The following SLC9A1 variants were observed in gnomAD, a reference collection of about 807,000 sequenced individuals.
The protein encoded by SLC9A1 is solute carrier family 9 member A1, also known as sodium/hydrogen exchanger 1.
SLC9A1 carries 22 observed loss-of-function variants against 67.9 expected under a neutral mutation model. The observed-to-expected ratio is 0.32, with a 90% CI of 0.23 to 0.46. SLC9A1 has a LOEUF of 0.46. Ranked by LOEUF, SLC9A1 falls within the 20% of genes least tolerant of loss-of-function variation. SLC9A1 has a pLI of 1.00. For synonymous variants in SLC9A1, 421 were observed against 471.8 expected (o/e 0.89, Z 1.40); for missense variants, 686 against 1,094.8 (o/e 0.63, Z 5.27).
At position 27,109,913 on chromosome 1, in the gene SLC9A1, C is replaced by T; in HGVS notation, c.814-136G>A. The T allele has an allele frequency of 9.6e-7, 1 of 1,038,374 alleles. No individual in the cohort carries two copies. The highest frequency in any genetic ancestry group is 1.4e-6 in the Non-Finnish European group (1 of 712,334). 64.3% of individuals were successfully genotyped at this position (1,038,374 alleles called of 1,614,324 possible). Reference sequence around the variant, plus strand: ...GAGGCCACACGGTAGCAGAGAAACCCTAGTGCCAAGCAGGTGCTCAAAACC... The same window carrying T: ...GAGGCCACACGGTAGCAGAGAAACCTTAGTGCCAAGCAGGTGCTCAAAACC... On this transcript the variant is annotated intron_variant, in intron 2 of 11. Coordinates refer to ENST00000263980, the MANE Select transcript of SLC9A1 (RefSeq NM_003047.5). The surrounding 1 kb of genome is among the most constrained non-coding windows in gnomAD (Gnocchi z 5.5).
intron 1 of SLC9A1, among the ~76,000 whole-genome samples, chr1:27,147,733 C>G (rs1033173414): frequency 1.3e-5 from 2 of 152,164 alleles, no homozygotes; most frequent in Non-Finnish European, 2.9e-5. Flanking sequence ...CAGTGGCTTA[C>G]GCCTGTAATC....
rs1216699778 is a variant in SLC9A1 at position 27,103,385 on chromosome 1, C to A, written c.1486-73G>T. ...GGGAGGCCACAGAGCCTCCCTCCCT[C>A]ACCCCAGGCCCCCAAGGCTAGGATG... On this transcript the variant is annotated intron_variant, in intron 5 of 11. Coordinates refer to ENST00000263980, the MANE Select transcript of SLC9A1 (RefSeq NM_003047.5). 4 of 1,042,160 alleles carry A rather than the reference C, an allele frequency of 3.8e-6. 1 individual carries two copies. The highest frequency in any genetic ancestry group is 2.5e-5 in the South Asian group (2 of 79,548). The allele number at this position is 1,042,160 out of a possible 1,614,324, so 64.6% of individuals were successfully genotyped here.
chr1:27,112,595 T>C (rs1197467663), intron 2 of SLC9A1, among the ~76,000 whole-genome samples: 4 of 152,114 alleles, frequency 2.6e-5, no homozygotes, highest in Non-Finnish European at 5.9e-5. Flanking sequence ...CTATCAAAGG[T>C]GAGGCTGGCT....
In SLC9A1 at chr1:27,101,377, G is replaced by A; in HGVS notation, c.2038-102C>T. The A allele has an allele frequency of 3.4e-6, 3 of 888,480 alleles. No individual in the cohort carries two copies. Among genetic ancestry groups the A allele is most frequent in the Non-Finnish European group, 3.6e-6 (2 of 557,572 alleles). The allele number at this position is 888,480 out of a possible 1,614,324, so 55.0% of individuals were successfully genotyped here. A position where few individuals can be genotyped will look rare whatever the true frequency, so the allele number is the denominator to read the frequency against. On this transcript the variant is annotated intron_variant, in intron 10 of 11. Transcript: ENST00000263980. This position sits in a 1 kb window ranked among gnomAD's most constrained non-coding sequence, Gnocchi z 4.9. ...ACACCCCACCTTTCGTATATGCAGG[G>A]CGCTTGCTCCCCCTCCCTTGTGCCT...
At position 27,154,241 on chromosome 1, in the gene SLC9A1, G is replaced by C. The variant is rs1410572877; in HGVS notation, c.94C>G (p.Leu32Val). The C allele has an allele frequency of 6.2e-7, 1 of 1,613,902 alleles. No individual in the cohort carries two copies. Among genetic ancestry groups the C allele is most frequent in the African/African-American group, 1.3e-5 (1 of 74,896 alleles). Residue 32 changes from leucine (L) to valine (V), a missense_variant, in exon 1 of 12, where the codon CTC (leucine) becomes GTC (valine). By Grantham distance (32) the Leu-to-Val change is conservative. Around this residue, in one of 7 missense-constraint regions of SLC9A1, gnomAD observed 143 missense variants for 166.7 expected, o/e 0.86. Transcript: ENST00000263980. Reference protein sequence around the residue: ...VVALVGLLPVLRSHGLQLSPT... With the variant: ...VVALVGLLPVVRSHGLQLSPT... ...CTGAGCTGGAGGCCATGGCTCCTGA[G>C]AACAGGCAGCAGCCCCACCAAAGCA...
In SLC9A1 at chr1:27,100,164, G is replaced by A. The variant is rs2083129995; in HGVS notation, c.*143C>T. The A allele has an allele frequency of 3.4e-6, 2 of 586,016 alleles. No individual in the cohort carries two copies. The highest frequency in any genetic ancestry group is 5.8e-6 in the Non-Finnish European group (2 of 346,060). The allele number at this position is 586,016 out of a possible 1,614,324, so 36.3% of individuals were successfully genotyped here. A position where few individuals can be genotyped will look rare whatever the true frequency, so the allele number is the denominator to read the frequency against. On this transcript the variant is annotated 3_prime_UTR_variant, in exon 12 of 12. Coordinates refer to ENST00000263980, the MANE Select transcript of SLC9A1 (RefSeq NM_003047.5). This position sits in a 1 kb window ranked among gnomAD's most constrained non-coding sequence, Gnocchi z 5.6. ...GCGGCAGGGGAGGAGCTGTGCTGGG[G>A]TGGGGGCTGTGGGCCCAGCTGCCAT...
At chr1:27,140,141 C>A (rs565249852) in intron 1 of SLC9A1, among the ~76,000 whole-genome samples, 1 of 151,950 alleles carries the variant, frequency 6.6e-6, no homozygotes, top group Admixed American at 6.6e-5. Flanking sequence ...CTCTGGGAAG[C>A]CTTTCCTGAC....
intron 5 of SLC9A1, chr1:27,105,459 C>A: frequency 2.1e-6 from 1 of 473,690 alleles, no homozygotes. Flanking sequence ...ATCACCATGC[C>A]CACTAATTTT....
At chr1:27,149,412 T>A (rs1041480090) in intron 1 of SLC9A1, among the ~76,000 whole-genome samples, 2 of 152,260 alleles carry the variant, frequency 1.3e-5, no homozygotes, top group Non-Finnish European at 2.9e-5. Context: ...TAAATAAGAT[T>A]GCTTTTATAA....
intron 1 of SLC9A1, among the ~76,000 whole-genome samples, chr1:27,145,066 G>T: frequency 8.1e-6 from 1 of 123,592 alleles, no homozygotes; most frequent in African/African-American, 3.0e-5. Context: ...AAAAAAAAAG[G>T]AAAAAGGAAA....
chr1:27,103,655 GA>G, intron 5 of SLC9A1: 1 of 329,094 alleles, frequency 3.0e-6, no homozygotes, highest in African/African-American at 2.1e-5. Context: ...CACACACAGG[GA>G]AAACTACCTC....
intron 1 of SLC9A1, among the ~76,000 whole-genome samples, chr1:27,122,641 C>A (rs1238382385): frequency 6.6e-6 from 1 of 152,248 alleles, no homozygotes; most frequent in Non-Finnish European, 1.5e-5. Flanking sequence ...CACCACCAGC[C>A]TTCTCCCTGG....
At position 27,154,272 on chromosome 1, in the gene SLC9A1, C is replaced by CACG; in HGVS notation, c.60_62dup (p.Val23dup). The CACG allele has an allele frequency of 6.2e-7, 1 of 1,612,950 alleles. No individual in the cohort carries two copies. The highest frequency in any genetic ancestry group is 8.5e-7 in the Non-Finnish European group (1 of 1,179,450). On this transcript the variant is annotated inframe_insertion, in exon 1 of 12. Coordinates refer to ENST00000263980, the MANE Select transcript of SLC9A1 (RefSeq NM_003047.5). ...GCAGCAGCCCCACCAAAGCAACCAC[C>CACG]ACGAGTAAGGAAGGGAAGATCCGAT... is the stretch of plus-strand genomic sequence containing the variant.
intron 1 of SLC9A1, among the ~76,000 whole-genome samples, chr1:27,147,739 T>C (rs149991632): frequency 1.3e-5 from 2 of 152,288 alleles, no homozygotes; most frequent in Admixed American, 1.3e-4. Context: ...CTTACGCCTG[T>C]AATCCAGCAC....
Position 27,154,370 on chromosome 1 carries a change from A to T in SLC9A1, c.-36T>A. On this transcript the variant is annotated 5_prime_UTR_variant, in exon 1 of 12. It adds an upstream start codon to the 5' untranslated region. Coordinates refer to ENST00000263980, the MANE Select transcript of SLC9A1 (RefSeq NM_003047.5). The stretch of plus-strand genomic sequence containing the variant: ...CCAGAGCCAGCCTCGACCTTACCCA[A>T]ATGAGAGTAAAACCGGGCACATAGG... The T allele has an allele frequency of 2.1e-6, 3 of 1,423,870 alleles. No homozygotes were observed. Among genetic ancestry groups the T allele is most frequent in the Middle Eastern group, 1.8e-4 (1 of 5,500 alleles). 88.2% of individuals were successfully genotyped at this position (1,423,870 alleles called of 1,614,324 possible).
At chr1:27,153,929 CAAG>C (rs2083548200) in intron 1 of SLC9A1, 51 bp downstream of exon 1, 3 of 1,242,498 alleles carry the variant, frequency 2.4e-6, no homozygotes, top group African/African-American at 3.0e-5. Context: ...CGAGATGAGG[CAAG>C]AAGCTCACCA....
At chr1:27,111,297 C>T (rs1394157538) in intron 2 of SLC9A1, among the ~76,000 whole-genome samples, 2 of 152,176 alleles carry the variant, frequency 1.3e-5, no homozygotes, top group African/African-American at 4.8e-5. Flanking sequence ...GTCCTCCTTT[C>T]TGGCCTGGTG....
chr1:27,119,468 C>T (rs1369603046), intron 1 of SLC9A1, among the ~76,000 whole-genome samples: 1 of 152,162 alleles, frequency 6.6e-6, no homozygotes, highest in African/African-American at 2.4e-5. Context: ...CCTAGTTGCA[C>T]AATGATTCCA....
chr1:27,119,780 C>T (rs1319142060), intron 1 of SLC9A1, among the ~76,000 whole-genome samples: 3 of 152,168 alleles, frequency 2.0e-5, no homozygotes, highest in Non-Finnish European at 4.4e-5. Flanking sequence ...TTATCCCTGG[C>T]TTTATTCTTA....
Sources: gnomAD v4.1 joint callset for allele counts (sites outside exome capture counted in the v4.1 genomes callset) on GRCh38, gnomAD v4.1.1 for gene constraint, gnomAD v4.1.1 regional missense constraint, Gnocchi (gnomAD v3.1) non-coding constraint, MANE v1.5 for transcripts, NCBI Gene and HGNC (gene_info 2026-07-23, HGNC 2026-07-21) for gene names.